Variants in NR6A1 observed in about 807,000 individuals in gnomAD.
NR6A1 encodes the protein retinoic acid receptor-related testis-associated receptor.
Under a neutral mutation model 59.1 loss-of-function variants are expected in NR6A1, and 7 were observed. The observed-to-expected ratio is 0.12, with a 90% CI of 0.07 to 0.22. The LOEUF (loss-of-function observed/expected upper bound fraction) is 0.22, where lower values mean the gene tolerates loss of function less well. NR6A1 is among the 10% of genes least tolerant of loss of function. The pLI is 1.00. For missense variants in NR6A1, 468 were observed against 611.6 expected (o/e 0.77, Z 2.48); for synonymous variants, 243 against 236.1 (o/e 1.03, Z -0.27).
In NR6A1 at chr9:124,729,506, C is replaced by G. The variant is rs530160734; in HGVS notation, c.142+3802G>C. Among the ~76,000 whole-genome samples, 4 of 152,168 alleles carry G rather than the reference C, an allele frequency of 2.6e-5. No individual in the cohort carries two copies. In the South Asian group the frequency reaches 8.3e-4, roughly 32 times the overall value. On this transcript the variant is annotated intron_variant, in intron 2 of 9. Transcript: ENST00000487099. Reference sequence around the variant, plus strand: ...AACTGAGGTGGAAGGATCACCTGAGCCCATGAGGTCAAGACTGCAGTGAGC... The same window carrying G: ...AACTGAGGTGGAAGGATCACCTGAGGCCATGAGGTCAAGACTGCAGTGAGC...
At chr9:124,728,079 T>TGCATGTG (rs1200987498) in intron 2 of NR6A1, among the ~76,000 whole-genome samples, 3 of 151,866 alleles carry the variant, frequency 2.0e-5, no homozygotes, top group African/African-American at 7.3e-5. Flanking sequence ...CAGGCTGGAG[T>TGCATGTG]GCAGTGGCAT....
rs80014383 is a variant in NR6A1, at chr9:124,703,207, AT to A, written c.142+30100del. Among the ~76,000 whole-genome samples, 659 of 104,550 alleles carry A rather than the reference AT, an allele frequency of 6.3e-3. 4 individuals carry two copies. Among genetic ancestry groups the A allele is most frequent in the East Asian group, 0.017 (61 of 3,604 alleles). The allele number at this position is 104,550 out of a possible 152,430, so 68.6% of individuals were successfully genotyped here. On this transcript the variant is annotated intron_variant, in intron 2 of 9. Transcript: ENST00000487099. ...GGCGTGAGCCACCACACACGGCCAC[AT>A]TTTTTTTTTTTTTTTTTTTTTTGAG...
intron 2 of NR6A1, among the ~76,000 whole-genome samples, chr9:124,631,578 A>C (rs1436276507): frequency 6.6e-6 from 1 of 152,202 alleles, no homozygotes; most frequent in Non-Finnish European, 1.5e-5. Context: ...CTTTCCCCAA[A>C]CACCACTGGA....
chr9:124,573,873 A>T (rs1834520047), intron 2 of NR6A1, among the ~76,000 whole-genome samples: 1 of 152,220 alleles, frequency 6.6e-6, no homozygotes, highest in South Asian at 2.1e-4. Flanking sequence ...CATGGATAAA[A>T]CTTTGGAAGC....
chr9:124,686,759 A>C (rs1838345060), intron 2 of NR6A1, among the ~76,000 whole-genome samples: 1 of 147,392 alleles, frequency 6.8e-6, no homozygotes, highest in Non-Finnish European at 1.5e-5. Flanking sequence ...GCTGGAGTGC[A>C]GTGGCACAAA....
intron 3 of NR6A1, among the ~76,000 whole-genome samples, chr9:124,544,477 CG>C (rs1348272327): frequency 1.3e-5 from 2 of 152,098 alleles, no homozygotes; most frequent in Non-Finnish European, 2.9e-5. Flanking sequence ...ACACTTAATA[CG>C]GGGGGCATAG....
chr9:124,652,243 C>T (rs999571009), intron 2 of NR6A1, among the ~76,000 whole-genome samples: 1 of 152,118 alleles, frequency 6.6e-6, no homozygotes, highest in South Asian at 2.1e-4. Flanking sequence ...CTGATATAAC[C>T]TATTATTTCC....
intron 2 of NR6A1, among the ~76,000 whole-genome samples, chr9:124,587,056 C>T (rs966802591): frequency 6.6e-6 from 1 of 152,206 alleles, no homozygotes; most frequent in Non-Finnish European, 1.5e-5. Flanking sequence ...CGGCCATAGC[C>T]ATCCCCCAAC....
At chr9:124,732,106 T>C (rs914886972) in intron 2 of NR6A1, among the ~76,000 whole-genome samples, 1 of 152,170 alleles carries the variant, frequency 6.6e-6, no homozygotes, top group Admixed American at 6.5e-5. Flanking sequence ...TAAGTATTAG[T>C]TGCAACATGG....
At chr9:124,575,239 G>C (rs1393604495) in intron 2 of NR6A1, among the ~76,000 whole-genome samples, 2 of 152,190 alleles carry the variant, frequency 1.3e-5, no homozygotes, top group Non-Finnish European at 2.9e-5. Context: ...AGTATATAGT[G>C]ATTAAGAGCG....
At chr9:124,581,601 C>T (rs1017524915) in intron 2 of NR6A1, among the ~76,000 whole-genome samples, 10 of 152,028 alleles carry the variant, frequency 6.6e-5, no homozygotes, top group African/African-American at 2.2e-4. Flanking sequence ...AAAAAACAAA[C>T]GAACAAACAA....
chr9:124,522,675 G>A lies in NR6A1; in HGVS notation c.*30C>T. The A allele has an allele frequency of 6.5e-7, 1 of 1,537,898 alleles. No homozygotes were observed. The highest frequency in any genetic ancestry group is 8.8e-7 in the Non-Finnish European group (1 of 1,135,524). On this transcript the variant is annotated 3_prime_UTR_variant, in exon 10 of 10. Coordinates refer to ENST00000487099, the MANE Select transcript of NR6A1 (RefSeq NM_033334.4). ...CTGTCCTGCCCACCCAAGACGCTGT[G>A]GTTGGCCTGAGGAGGGCGCCTGGAA...
chr9:124,678,366 A>G (rs1838026983), intron 2 of NR6A1, among the ~76,000 whole-genome samples: 1 of 152,216 alleles, frequency 6.6e-6, no homozygotes, highest in Admixed American at 6.5e-5. Context: ...TAACTGTAGA[A>G]CTTAGTATTT....
At chr9:124,585,298 T>C (rs375584596) in intron 2 of NR6A1, among the ~76,000 whole-genome samples, 5 of 152,170 alleles carry the variant, frequency 3.3e-5, no homozygotes, top group East Asian at 1.9e-4. Flanking sequence ...CCCAGCACTT[T>C]TGGAGGCCAA....
chr9:124,729,040 A>G (rs1375554034), intron 2 of NR6A1, among the ~76,000 whole-genome samples: 1 of 152,196 alleles, frequency 6.6e-6, no homozygotes, highest in Non-Finnish European at 1.5e-5. Context: ...AGCTTGTATT[A>G]TATTTATTAA....
intron 3 of NR6A1, among the ~76,000 whole-genome samples, chr9:124,552,362 T>C (rs1479373543): frequency 1.3e-5 from 2 of 151,936 alleles, no homozygotes; most frequent in Non-Finnish European, 2.9e-5. Context: ...AGGGAAAAGA[T>C]CTCCAAGTAG....
intron 2 of NR6A1, among the ~76,000 whole-genome samples, chr9:124,647,003 C>G (rs1836948489): frequency 6.6e-6 from 1 of 152,208 alleles, no homozygotes; most frequent in South Asian, 2.1e-4. Context: ...TAACCTCAAA[C>G]TCCTGGGCTC....
intron 2 of NR6A1, among the ~76,000 whole-genome samples, chr9:124,605,067 T>C (rs1202717067): frequency 1.3e-5 from 2 of 152,202 alleles, no homozygotes; most frequent in African/African-American, 4.8e-5. Flanking sequence ...ACATATCTTC[T>C]GATGGAAGAA....
intron 2 of NR6A1, among the ~76,000 whole-genome samples, chr9:124,637,899 A>G (rs1836658954): frequency 1.4e-5 from 2 of 143,342 alleles, no homozygotes; most frequent in South Asian, 2.2e-4. Flanking sequence ...CTCCAAAAAA[A>G]AAAAAAAAAA....
Sources: allele counts gnomAD v4.1 joint callset (sites outside exome capture counted in the v4.1 genomes callset), GRCh38; gene constraint gnomAD v4.1.1; transcripts MANE v1.5; gene names NCBI Gene and HGNC (gene_info 2026-07-23, HGNC 2026-07-21).